SPEN: variants seen among roughly 807,000 people sequenced by gnomAD.
SPEN encodes the protein msx2-interacting protein.
SPEN carries 18 observed loss-of-function variants against 269.9 expected under a neutral mutation model. The ratio of observed to expected loss-of-function variants is 0.07; its 90% CI spans 0.05 to 0.10. SPEN has a LOEUF of 0.10. SPEN is among the 10% of genes least tolerant of loss of function. The pLI is 1.00. For missense variants in SPEN, 3,822 were observed against 4,631.2 expected (o/e 0.83, Z 5.07); for synonymous variants, 1,726 against 1,765.7 (o/e 0.98, Z 0.56).
chr1:15,919,804 C>T (rs2071099298), intron 8 of SPEN, among the ~76,000 whole-genome samples: 1 of 152,072 alleles, frequency 6.6e-6, no homozygotes, highest in African/African-American at 2.4e-5. Flanking sequence ...ATAATTTTAT[C>T]TTACATTAAA....
chr1:15,911,080 T>C, intron 4 of SPEN, 21 bp from the exon 5 acceptor site: 1 of 1,568,870 alleles, frequency 6.4e-7, no homozygotes, highest in Non-Finnish European at 8.7e-7. Context: ...ATTAATAACT[T>C]GGTTTTTTTT....
chr1:15,930,802 A>G lies in SPEN; in HGVS notation c.4562A>G (p.Glu1521Gly). The change falls in exon 11 of 15, where the codon GAG (glutamate) becomes GGG (glycine). Residue 1521 changes from glutamate (E) to glycine (G), a missense_variant. Around this residue, in one of 16 missense-constraint regions of SPEN, gnomAD observed 533 missense variants for 618.8 expected, o/e 0.86. Transcript: ENST00000375759. This position sits in a 1 kb window ranked among gnomAD's most constrained non-coding sequence, Gnocchi z 5.3. ...GAGGACCATAAAGAAGAAGAGCAAG[A>G]GAGGCAGGAATTGTTTGCTTCTCGT... ...KKEDHKEEEQ[E>G]RQELFASRFL... is the part of the protein sequence containing the mutation. The G allele has an allele frequency of 6.2e-7, 1 of 1,614,214 alleles. No homozygotes were observed.
At chr1:15,936,421 G>C (rs1174400392) in intron 11 of SPEN, among the ~76,000 whole-genome samples, 155 bp downstream of exon 11, 27 of 151,770 alleles carry the variant, frequency 1.8e-4, no homozygotes. Flanking sequence ...TGGGAGGACT[G>C]CTTAAGCCCG....
chr1:15,927,888 C>T (rs560288806), intron 10 of SPEN, among the ~76,000 whole-genome samples: 2 of 152,280 alleles, frequency 1.3e-5, no homozygotes, highest in Non-Finnish European at 2.9e-5. Context: ...GTGTATTTTA[C>T]ACATCTCAAT....
intron 3 of SPEN, among the ~76,000 whole-genome samples, chr1:15,890,063 T>C (rs1452028099): frequency 6.6e-6 from 1 of 152,186 alleles, no homozygotes; most frequent in Non-Finnish European, 1.5e-5. Flanking sequence ...AAACTTCCTA[T>C]GTCCAGGTAG....
intron 1 of SPEN, among the ~76,000 whole-genome samples, chr1:15,862,869 C>T (rs762555623): frequency 6.6e-5 from 10 of 151,988 alleles, no homozygotes; most frequent in Non-Finnish European, 1.3e-4. Context: ...TCACGCCATT[C>T]TCCTGCCTCA....
In SPEN at chr1:15,928,872, G is replaced by A. The variant is rs763982034; in HGVS notation, c.2632G>A (p.Val878Met). 4.3e-6 allele frequency: 7 copies of A among 1,614,178 alleles called. No homozygotes were observed. Among genetic ancestry groups the A allele is most frequent in the South Asian group, 2.2e-5 (2 of 91,090 alleles). The change falls in exon 11 of 15, where the codon GTG (valine) becomes ATG (methionine). Residue 878 changes from valine to methionine, a missense_variant. Coordinates refer to ENST00000375759, the MANE Select transcript of SPEN (RefSeq NM_015001.3). The surrounding 1 kb of genome is among the most constrained non-coding windows in gnomAD (Gnocchi z 5.7). The stretch of plus-strand genomic sequence containing the variant: ...AAACCGCCTGGAACTCATGCCTTGC[G>A]TGGTTTTGACTCGAGTGAAAGAGAA... ...AKNRLELMPC[V>M]VLTRVKEKEG...
chr1:15,931,043 C>T lies in SPEN; in HGVS notation c.4803C>T (p.Asp1601=), dbSNP rs2071215031. 1.9e-6 allele frequency: 3 copies of T among 1,613,494 alleles called. No individual in the cohort carries two copies. The highest frequency in any genetic ancestry group is 2.5e-6 in the Non-Finnish European group (3 of 1,179,894). The change falls in exon 11 of 15, where the codon GAC becomes GAT. Residue 1601 remains aspartate (D), a synonymous_variant. Coordinates refer to ENST00000375759, the MANE Select transcript of SPEN (RefSeq NM_015001.3). The surrounding 1 kb of genome is among the most constrained non-coding windows in gnomAD (Gnocchi z 4.8). ...TGCAACAGAAAGAAAAAGAAAAAGA[C>T]CAGAAACCCAAAGAGGTTGAGAAAC... The part of the protein sequence containing the change: ...TRMQQKEKEK[D]QKPKEVEKQE...
chr1:15,916,321 A>C, intron 6 of SPEN, 42 bp downstream of exon 6: 1 of 1,586,358 alleles, frequency 6.3e-7, no homozygotes, highest in South Asian at 1.1e-5. Context: ...GGTCTTTGTC[A>C]TAACACATAA....
At chr1:15,879,109 T>G (rs1053962668) in intron 3 of SPEN, among the ~76,000 whole-genome samples, 9 of 144,930 alleles carry the variant, frequency 6.2e-5, no homozygotes, top group Non-Finnish European at 1.1e-4. Context: ...GAGGCTGAGG[T>G]GGGTAGATCA....
chr1:15,936,978 G>A (rs2071281362), intron 11 of SPEN, among the ~76,000 whole-genome samples, 185 bp from the exon 12 acceptor site: 1 of 152,110 alleles, frequency 6.6e-6, no homozygotes, highest in East Asian at 1.9e-4. Context: ...GCAGGTAATA[G>A]GGGATCTCTC....
At chr1:15,907,023 C>T (rs1329074055) in intron 3 of SPEN, among the ~76,000 whole-genome samples, 2 of 152,020 alleles carry the variant, frequency 1.3e-5, no homozygotes, top group African/African-American at 4.8e-5. Flanking sequence ...AAGCAGTCCT[C>T]CTGCCTCAAA....
At chr1:15,918,104 C>T (rs2148732502) in intron 6 of SPEN, among the ~76,000 whole-genome samples, 1 of 152,332 alleles carries the variant, frequency 6.6e-6, no homozygotes, top group Admixed American at 6.5e-5. Flanking sequence ...AGTAACCTAT[C>T]TGGGCTCCAG....
Position 15,852,168 on chromosome 1 carries a change from A to C in SPEN, c.83+4018A>C, listed in dbSNP as rs140463342. Among the ~76,000 whole-genome samples, 443 of 152,216 alleles carry C rather than the reference A, an allele frequency of 2.9e-3. 4 individuals carry two copies. The highest frequency in any genetic ancestry group is 0.01 in the African/African-American group (428 of 41,526). ...AATTTCCTTTTCCTGACTACTAGGG[A>C]TATTTTTAGACTTAAACAAATTTGA... On this transcript the variant is annotated intron_variant, in intron 1 of 14. Coordinates refer to ENST00000375759, the MANE Select transcript of SPEN (RefSeq NM_015001.3).
chr1:15,896,187 CTTTTTT>C lies in SPEN; in HGVS notation c.882-13111_882-13106del, dbSNP rs34846762. ...ATTATTGTGTTTGATTTTACCATCA[CTTTTTT>C]TTTTTTTTTTTTTTTTTTTTTTGAG... On this transcript the variant is annotated intron_variant, in intron 3 of 14. Transcript: ENST00000375759. 4.3e-5 allele frequency among the ~76,000 whole-genome samples: 3 copies of C among 69,210 alleles called. No homozygotes were observed. In the Admixed American group the frequency reaches 5.6e-4, roughly 13 times the overall value. The allele number at this position is 69,210 out of a possible 152,430, so 45.4% of individuals were successfully genotyped here.
At chr1:15,879,074 C>G (rs935702556) in intron 3 of SPEN, among the ~76,000 whole-genome samples, 1 of 150,636 alleles carries the variant, frequency 6.6e-6, no homozygotes, top group South Asian at 2.1e-4. Context: ...CAAAGTGGCT[C>G]ACACCTGTAA....
Position 15,939,342 on chromosome 1 carries a change from G to C in SPEN, c.10910G>C (p.Ser3637Thr). The C allele has an allele frequency of 6.2e-7, 1 of 1,605,900 alleles. No individual in the cohort carries two copies. Residue 3637 changes from serine (S) to threonine (T), a missense_variant, in exon 15 of 15, where the codon AGT becomes ACT. Ser to Thr is a moderately conservative substitution (Grantham distance 58). This residue lies in a region of SPEN where 103 missense variants were observed against 215.8 expected (regional missense o/e 0.48). Coordinates refer to ENST00000375759, the MANE Select transcript of SPEN (RefSeq NM_015001.3). This position sits in a 1 kb window ranked among gnomAD's most constrained non-coding sequence, Gnocchi z 4.1. The part of the protein sequence containing the change: ...QIFPPCEFSE[S>T]HLSRLAPDLL... ...TTCCCGCCCTGTGAGTTCTCTGAGA[G>C]TCACCTGTCCCGCCTGGCCCCTGAC... is the stretch of plus-strand genomic sequence containing the variant.
chr1:15,873,341 C>T (rs1230225825), intron 2 of SPEN: 1 of 985,342 alleles, frequency 1.0e-6, no homozygotes, highest in Non-Finnish European at 1.2e-6. Context: ...GATTGGATAT[C>T]TGTTCCTGAG....
rs762917463 is a variant in SPEN, at chr1:15,933,732, G to A, written c.7492G>A (p.Val2498Met). The A allele has an allele frequency of 6.2e-7, 1 of 1,614,130 alleles. No individual in the cohort carries two copies. Among genetic ancestry groups the A allele is most frequent in the Non-Finnish European group, 8.5e-7 (1 of 1,180,024 alleles). ...GIPHQSPPTK[V>M]TEWITRQEEP... The stretch of plus-strand genomic sequence containing the variant: ...CCCACACCAGAGCCCCCCTACTAAG[G>A]TGACAGAGTGGATCACAAGGCAGGA... Residue 2498 changes from valine to methionine, a missense_variant, in exon 11 of 15, where the codon GTG becomes ATG. Val to Met is a conservative substitution (Grantham distance 21). Around this residue, in one of 16 missense-constraint regions of SPEN, gnomAD observed 727 missense variants for 737.9 expected, o/e 0.99. Transcript: ENST00000375759. The surrounding 1 kb of genome is among the most constrained non-coding windows in gnomAD (Gnocchi z 5.7).
Sources: allele counts gnomAD v4.1 joint callset (sites outside exome capture counted in the v4.1 genomes callset), GRCh38; gene constraint gnomAD v4.1.1; regional missense constraint gnomAD v4.1.1; non-coding constraint Gnocchi (gnomAD v3.1); transcripts MANE v1.5; gene names NCBI Gene and HGNC (gene_info 2026-07-23, HGNC 2026-07-21).